The following RAB10 variants were observed in gnomAD, a reference collection of about 807,000 sequenced individuals.
RAB10 encodes the protein ras-related protein Rab-10.
Under a neutral mutation model 25.7 loss-of-function variants are expected in RAB10, and 5 were observed. The ratio of observed to expected loss-of-function variants is 0.19; its 90% CI spans 0.10 to 0.41. The LOEUF (loss-of-function observed/expected upper bound fraction) is 0.41. Ranked by LOEUF, RAB10 falls within the 10% of genes least tolerant of loss-of-function variation. The pLI, the probability that RAB10 is intolerant of heterozygous loss-of-function variation, is 1.00. For missense variants in RAB10, 103 were observed against 245.8 expected, an observed-to-expected ratio of 0.42 and a Z score of 3.89; for synonymous variants, 89 against 86.4, an observed-to-expected ratio of 1.03 and a Z score of -0.16.
Position 26,137,184 on chromosome 2 carries a change from A to T in RAB10, c.*2163A>T, listed in dbSNP as rs1448720830. The T allele has an allele frequency of 6.5e-6, 1 of 152,680 alleles. No homozygotes were observed. Among genetic ancestry groups the T allele is most frequent in the Non-Finnish European group, 1.5e-5 (1 of 68,046 alleles). 9.5% of individuals were successfully genotyped at this position (152,680 alleles called of 1,614,324 possible). A position where few individuals can be genotyped will look rare whatever the true frequency, so the allele number is the denominator to read the frequency against. On this transcript the variant is annotated 3_prime_UTR_variant, in exon 6 of 6. Coordinates refer to ENST00000264710, the MANE Select transcript of RAB10 (RefSeq NM_016131.5). Reference sequence around the variant, plus strand: ...CTTTTGTTAAATCTGCACTTTCTAAATATCAAAAAAGGGAAATGAAGTATA... The same window carrying T: ...CTTTTGTTAAATCTGCACTTTCTAATTATCAAAAAAGGGAAATGAAGTATA...
intron 3 of RAB10, among the ~76,000 whole-genome samples, chr2:26,111,682 G>C (rs979140975): frequency 6.6e-6 from 1 of 151,964 alleles, no homozygotes; most frequent in Non-Finnish European, 1.5e-5. Context: ...TTATTGTTCA[G>C]GTAAGTAGTC....
intron 1 of RAB10, among the ~76,000 whole-genome samples, chr2:26,092,146 T>C (rs1416982623): frequency 6.7e-6 from 1 of 148,940 alleles, no homozygotes; most frequent in African/African-American, 2.5e-5. Context: ...CACTCCAGCC[T>C]GGATGAAAGA....
intron 3 of RAB10, among the ~76,000 whole-genome samples, chr2:26,111,555 G>A (rs1667572138): frequency 6.8e-6 from 1 of 147,828 alleles, no homozygotes; most frequent in African/African-American, 2.5e-5. Context: ...AGTGAGCTGA[G>A]ATCACGCACC....
At chr2:26,044,187 T>C (rs1307618607) in intron 1 of RAB10, among the ~76,000 whole-genome samples, 3 of 152,184 alleles carry the variant, frequency 2.0e-5, no homozygotes, top group Non-Finnish European at 4.4e-5. Flanking sequence ...GTTTTAGATA[T>C]ATTTTCCCCA....
chr2:26,061,092 C>CTTTTTTTTTTTTTTTTTTTTTTTTTTGTT (rs5829993), intron 1 of RAB10, among the ~76,000 whole-genome samples: 1 of 83,636 alleles, frequency 1.2e-5, no homozygotes, highest in Non-Finnish European at 2.2e-5. Flanking sequence ...TTATCTCTGT[C>CTTTTTTTTTTTTTTTTTTTTTTTTTTGTT]TTTTTTTTTT....
At chr2:26,123,050 A>C (rs925327689) in intron 3 of RAB10, among the ~76,000 whole-genome samples, 6 of 152,186 alleles carry the variant, frequency 3.9e-5, no homozygotes, top group African/African-American at 1.4e-4. Context: ...TAAAGTTGCT[A>C]ACCCCCAAGA....
chr2:26,099,542 T>TG (rs1189016950), intron 2 of RAB10, among the ~76,000 whole-genome samples: 5 of 119,752 alleles, frequency 4.2e-5, no homozygotes, highest in African/African-American at 5.8e-5. Flanking sequence ...GTTTTTTTTT[T>TG]TTTTTTTTTT....
At chr2:26,065,980 CTCA>C (rs1452841653) in intron 1 of RAB10, among the ~76,000 whole-genome samples, 2 of 152,120 alleles carry the variant, frequency 1.3e-5, no homozygotes, top group Non-Finnish European at 2.9e-5. Context: ...TATTTGTATT[CTCA>C]TCATCACTAA....
chr2:26,085,431 A>G (rs7573362), intron 1 of RAB10, among the ~76,000 whole-genome samples: 125,502 of 150,110 alleles, frequency 0.84, 52,885 homozygotes, highest in African/African-American at 0.95. Flanking sequence ...AGAGGTTGTG[A>G]TGAGCTGAGA....
intron 5 of RAB10, among the ~76,000 whole-genome samples, chr2:26,128,514 A>G (rs1396228417): frequency 6.6e-6 from 1 of 152,168 alleles, no homozygotes; most frequent in Non-Finnish European, 1.5e-5. Context: ...TCCCTAGTTC[A>G]ATTATTTTTT....
intron 5 of RAB10, among the ~76,000 whole-genome samples, chr2:26,128,156 C>G (rs1286769702): frequency 2.0e-5 from 3 of 152,108 alleles, no homozygotes; most frequent in African/African-American, 7.2e-5. Context: ...GTAGTTTCAC[C>G]CAGAAACTAC....
intron 1 of RAB10, among the ~76,000 whole-genome samples, chr2:26,043,194 A>G (rs1485308805): frequency 2.0e-5 from 3 of 152,124 alleles, no homozygotes; most frequent in Non-Finnish European, 4.4e-5. Context: ...TTAGGAGGCC[A>G]GATTACTTGG....
chr2:26,114,936 C>G (rs1296462475), intron 3 of RAB10, among the ~76,000 whole-genome samples: 1 of 151,740 alleles, frequency 6.6e-6, no homozygotes, highest in East Asian at 1.9e-4. Context: ...GATCATGGAC[C>G]TACATGTAAG....
rs868239393 is a variant in RAB10 at position 26,086,847 on chromosome 2, A to G, written c.128-11815A>G. Among the ~76,000 whole-genome samples the G allele has an allele frequency of 2.6e-5, 4 of 152,366 alleles. No individual in the cohort carries two copies. In the Middle Eastern group the frequency reaches 0.01, roughly 389 times the overall value. On this transcript the variant is annotated intron_variant, in intron 1 of 5. Transcript: ENST00000264710. Reference sequence around the variant, plus strand: ...CATAATACGGACGGACCTTAAACATACTAAGTGAAAGAAGCCAGACACAAA... The same window carrying G: ...CATAATACGGACGGACCTTAAACATGCTAAGTGAAAGAAGCCAGACACAAA...
chr2:26,052,299 CTGCT>C (rs1363193421), intron 1 of RAB10, among the ~76,000 whole-genome samples: 4 of 151,564 alleles, frequency 2.6e-5, no homozygotes, highest in Non-Finnish European at 5.9e-5. Flanking sequence ...TGTAGGTAGA[CTGCT>C]TGAGCCTGGG....
At chr2:26,057,690 G>C (rs1272969263) in intron 1 of RAB10, among the ~76,000 whole-genome samples, 2 of 139,922 alleles carry the variant, frequency 1.4e-5, no homozygotes, top group Non-Finnish European at 3.2e-5. Flanking sequence ...TGACGCGATC[G>C]CTGCTGACTG....
At chr2:26,074,522 A>G (rs1276796125) in intron 1 of RAB10, among the ~76,000 whole-genome samples, 2 of 152,268 alleles carry the variant, frequency 1.3e-5, no homozygotes, top group South Asian at 4.1e-4. Flanking sequence ...GCGTTCAAGC[A>G]GTTCTCCTGC....
chr2:26,128,982 A>G (rs147619055), intron 5 of RAB10, among the ~76,000 whole-genome samples: 2 of 152,316 alleles, frequency 1.3e-5, no homozygotes, highest in African/African-American at 2.4e-5. Context: ...ATAAAATCTG[A>G]CATACATTGG....
At chr2:26,125,434 CTTTTTTT>C (rs780945835) in intron 3 of RAB10, among the ~76,000 whole-genome samples, 2 of 118,890 alleles carry the variant, frequency 1.7e-5, no homozygotes, top group African/African-American at 6.3e-5. Context: ...CCTTTGCTTG[CTTTTTTT>C]TTTTTTTTTT....
Sources: allele counts gnomAD v4.1 joint callset (sites outside exome capture counted in the v4.1 genomes callset), GRCh38; gene constraint gnomAD v4.1.1; transcripts MANE v1.5; gene names NCBI Gene and HGNC (gene_info 2026-07-23, HGNC 2026-07-21).